Variants in TMCC3 observed in about 807,000 individuals in gnomAD.
TMCC3 encodes the protein transmembrane and coiled-coil domain family 3, also known as transmembrane and coiled-coil domain protein 3.
TMCC3 carries 28 observed loss-of-function variants against 40.2 expected under a neutral mutation model. The ratio of observed to expected loss-of-function variants is 0.70; its 90% confidence interval spans 0.52 to 0.95. The LOEUF (loss-of-function observed/expected upper bound fraction) is 0.95. TMCC3 is among the 40% of genes least tolerant of loss of function. The pLI is 0.00. For synonymous variants in TMCC3, 255 were observed against 248.5 expected, an observed-to-expected ratio of 1.03 and a Z score of -0.25; for missense variants, 554 against 615.2, an observed-to-expected ratio of 0.90 and a Z score of 1.05.
At chr12:94,618,427 C>A (rs1004044943) in intron 1 of TMCC3, among the ~76,000 whole-genome samples, 3 of 152,168 alleles carry the variant, frequency 2.0e-5, no homozygotes, top group Non-Finnish European at 4.4e-5. Flanking sequence ...TCACAAATAT[C>A]TTTTTTAAAA....
intron 1 of TMCC3, chr12:94,598,475 T>C: frequency 2.0e-6 from 1 of 503,882 alleles, no homozygotes; most frequent in Non-Finnish European, 2.6e-6. Context: ...TTACTGGAGA[T>C]GTTCTCAATT....
intron 1 of TMCC3, among the ~76,000 whole-genome samples, chr12:94,598,271 G>A (rs1282059056): frequency 6.6e-6 from 1 of 152,160 alleles, no homozygotes; most frequent in African/African-American, 2.4e-5. Flanking sequence ...ACCTTTTCTT[G>A]AGCTCTTTCT....
chr12:94,621,959 G>C (rs2068878045), intron 1 of TMCC3, among the ~76,000 whole-genome samples: 1 of 152,146 alleles, frequency 6.6e-6, no homozygotes, highest in South Asian at 2.1e-4. Context: ...TTCACTTTCA[G>C]TATCAGTAGG....
At chr12:94,600,485 A>G (rs1180994986) in intron 1 of TMCC3, among the ~76,000 whole-genome samples, 1 of 152,146 alleles carries the variant, frequency 6.6e-6, no homozygotes, top group Non-Finnish European at 1.5e-5. Context: ...AAGATGTTCA[A>G]CGATTCTTCC....
chr12:94,643,245 A>C (rs12818810), intron 1 of TMCC3, among the ~76,000 whole-genome samples: 1 of 151,590 alleles, frequency 6.6e-6, no homozygotes, highest in African/African-American at 2.4e-5. Flanking sequence ...ACTCTTAACC[A>C]CTCCAGTGCA....
At chr12:94,604,530 G>A (rs1302037873) in intron 1 of TMCC3, among the ~76,000 whole-genome samples, 1 of 151,398 alleles carries the variant, frequency 6.6e-6, no homozygotes, top group African/African-American at 2.4e-5. Flanking sequence ...ACAAGGCCAG[G>A]CACAGTGGCT....
intron 1 of TMCC3, among the ~76,000 whole-genome samples, chr12:94,599,435 A>G (rs2068737841): frequency 6.6e-6 from 1 of 151,804 alleles, no homozygotes; most frequent in Non-Finnish European, 1.5e-5. Flanking sequence ...CTGCTTATCT[A>G]TGCATCTTGC....
chr12:94,608,071 G>GTGAA (rs539804480), intron 1 of TMCC3, among the ~76,000 whole-genome samples: 1 of 152,166 alleles, frequency 6.6e-6, no homozygotes, highest in Non-Finnish European at 1.5e-5. Flanking sequence ...TAAACATGTA[G>GTGAA]TGAACAATCA....
intron 3 of TMCC3, among the ~76,000 whole-genome samples, chr12:94,577,798 G>C (rs2068574416): frequency 6.6e-6 from 1 of 152,044 alleles, no homozygotes; most frequent in Non-Finnish European, 1.5e-5. Flanking sequence ...GGTGGTGATG[G>C]GCTTGAGGTG....
intron 1 of TMCC3, among the ~76,000 whole-genome samples, chr12:94,627,528 C>T (rs192046770): frequency 6.6e-6 from 1 of 152,282 alleles, no homozygotes; most frequent in Non-Finnish European, 1.5e-5. Flanking sequence ...ACCTCTCAGA[C>T]CCCATGTCCC....
chr12:94,642,215 T>A (rs1191549188), intron 1 of TMCC3, among the ~76,000 whole-genome samples: 2 of 152,236 alleles, frequency 1.3e-5, no homozygotes, highest in Admixed American at 6.5e-5. Context: ...GAAGATGGTA[T>A]AATGGTTAGT....
chr12:94,592,544 T>C (rs12832005), intron 1 of TMCC3, among the ~76,000 whole-genome samples: 91,841 of 145,424 alleles, frequency 0.63, 29,101 homozygotes, highest in Admixed American at 0.66. Context: ...CTCAGGAGGC[T>C]GAGGCAGGAG....
chr12:94,592,735 G>A lies in TMCC3; in HGVS notation c.79-10197C>T, dbSNP rs192090410. On this transcript the variant is annotated intron_variant, in intron 1 of 3. Transcript: ENST00000261226. The stretch of plus-strand genomic sequence containing the variant: ...AAAATCTCATTACTCTGGAATTAGG[G>A]ATCATTTGGAACAGGAGCTAGAATA... Among the ~76,000 whole-genome samples the A allele has an allele frequency of 2.3e-3, 341 of 146,398 alleles. 3 individuals carry two copies. The Middle Eastern group carries it at 0.029, about 12-fold the overall frequency.
intron 1 of TMCC3, among the ~76,000 whole-genome samples, chr12:94,641,910 CAA>C (rs1019614467): frequency 6.6e-6 from 1 of 150,756 alleles, no homozygotes. Context: ...AGAGGAACCA[CAA>C]AAAATATATA....
chr12:94,589,251 T>G (rs920002827), intron 1 of TMCC3, among the ~76,000 whole-genome samples: 1 of 152,190 alleles, frequency 6.6e-6, no homozygotes, highest in Non-Finnish European at 1.5e-5. Flanking sequence ...AAACCCCTGG[T>G]CTAGGCTGCT....
chr12:94,594,301 C>G (rs1390634489), intron 1 of TMCC3, among the ~76,000 whole-genome samples: 4 of 151,930 alleles, frequency 2.6e-5, no homozygotes, highest in Non-Finnish European at 5.9e-5. Flanking sequence ...ATCACTAGCT[C>G]ACTGCAACCT....
In TMCC3 at chr12:94,650,452, T is replaced by C; in HGVS notation, c.-22A>G. On this transcript the variant is annotated 5_prime_UTR_variant, in exon 1 of 4. Coordinates refer to ENST00000261226, the MANE Select transcript of TMCC3 (RefSeq NM_020698.4). ...GCATCTCCGCGCTCCGGCCGCGAAC[T>C]TTCCCGTCTTCTGGGGCTGCCGCGC... 1.6e-6 allele frequency: 2 copies of C among 1,267,416 alleles called. No homozygotes were observed. The highest frequency in any genetic ancestry group is 2.0e-6 in the Non-Finnish European group (2 of 1,001,512). The allele number at this position is 1,267,416 out of a possible 1,614,324, so 78.5% of individuals were successfully genotyped here.
intron 1 of TMCC3, among the ~76,000 whole-genome samples, chr12:94,647,866 T>A (rs1284803042): frequency 6.6e-6 from 1 of 152,226 alleles, no homozygotes; most frequent in Non-Finnish European, 1.5e-5. Context: ...TGAAATTACA[T>A]CAACCCTGCT....
At chr12:94,620,952 G>T (rs1403396968) in intron 1 of TMCC3, among the ~76,000 whole-genome samples, 3 of 152,208 alleles carry the variant, frequency 2.0e-5, no homozygotes, top group African/African-American at 7.2e-5. Context: ...GGTAGGGTCA[G>T]TTTGTAAGGT....
Sources: gnomAD v4.1 joint callset for allele counts (sites outside exome capture counted in the v4.1 genomes callset) on GRCh38, gnomAD v4.1.1 for gene constraint, MANE v1.5 for transcripts, NCBI Gene and HGNC (gene_info 2026-07-23, HGNC 2026-07-21) for gene names.